The following C1QTNF7 variants were observed in gnomAD, a reference collection of about 807,000 sequenced individuals.
C1QTNF7 encodes C1q and TNF related 7.
A neutral mutation model predicts 19.6 loss-of-function variants in C1QTNF7; 15 were observed. The ratio of observed to expected loss-of-function variants is 0.76; its 90% CI spans 0.51 to 1.18. The LOEUF (loss-of-function observed/expected upper bound fraction) is 1.18, where lower values mean the gene tolerates loss of function less well. Among genes scored for constraint, C1QTNF7 ranks in the 50% most tolerant of loss-of-function variants. The pLI is 0.00. For synonymous variants in C1QTNF7, 142 were observed against 137.5 expected (o/e 1.03, Z -0.23); for missense variants, 324 against 359.7 (o/e 0.90, Z 0.80).
At chr4:15,392,005 C>A (rs1302397941) in intron 1 of C1QTNF7, among the ~76,000 whole-genome samples, 2 of 152,124 alleles carry the variant, frequency 1.3e-5, no homozygotes, top group Admixed American at 1.3e-4. Flanking sequence ...GTGCCCAGGT[C>A]CTCAGCCTGG....
intron 1 of C1QTNF7, among the ~76,000 whole-genome samples, chr4:15,396,876 G>C (rs1293035798): frequency 6.6e-6 from 1 of 152,162 alleles, no homozygotes; most frequent in Non-Finnish European, 1.5e-5. Flanking sequence ...GGGGGTGGCT[G>C]TCAGTGTGAT....
At chr4:15,399,422 C>G (rs529648966) in intron 1 of C1QTNF7, among the ~76,000 whole-genome samples, 1 of 152,278 alleles carries the variant, frequency 6.6e-6, no homozygotes, top group South Asian at 2.1e-4. Context: ...TAGTTAAGAA[C>G]ATGCACCCCA....
chr4:15,346,854 G>T (rs955876752), intron 1 of C1QTNF7, among the ~76,000 whole-genome samples: 1 of 152,068 alleles, frequency 6.6e-6, no homozygotes, highest in Non-Finnish European at 1.5e-5. Flanking sequence ...GTCCATCTCT[G>T]TTCCTACCAC....
intron 1 of C1QTNF7, among the ~76,000 whole-genome samples, chr4:15,353,856 G>A (rs13133314): frequency 6.6e-6 from 1 of 151,886 alleles, no homozygotes; most frequent in African/African-American, 2.4e-5. Context: ...TTTAAAATGT[G>A]TTTAAATTAA....
chr4:15,438,496 A>G (rs1011619427), intron 2 of C1QTNF7, among the ~76,000 whole-genome samples: 3 of 152,236 alleles, frequency 2.0e-5, no homozygotes, highest in South Asian at 2.1e-4. Flanking sequence ...ACCAAGTCCA[A>G]TCAAGCATAA....
At chr4:15,407,531 C>T (rs1719236975) in intron 1 of C1QTNF7, among the ~76,000 whole-genome samples, 1 of 152,184 alleles carries the variant, frequency 6.6e-6, no homozygotes, top group Non-Finnish European at 1.5e-5. Context: ...GTGGATATCA[C>T]ACATTTCCTT....
At chr4:15,425,929 C>A (rs1202719662), upstream of C1QTNF7, among the ~76,000 whole-genome samples, 1 of 152,130 alleles carries the variant, frequency 6.6e-6, no homozygotes, top group Non-Finnish European at 1.5e-5. Context: ...ATTCTACATT[C>A]TATAACTTTC....
At chr4:15,348,970 CCTT>C (rs572741937) in intron 1 of C1QTNF7, among the ~76,000 whole-genome samples, 2 of 152,294 alleles carry the variant, frequency 1.3e-5, no homozygotes, top group African/African-American at 4.8e-5. Flanking sequence ...TGCAGGTAAA[CCTT>C]CTTTCCATCC....
intron 1 of C1QTNF7, among the ~76,000 whole-genome samples, chr4:15,403,161 A>T (rs1029881013): frequency 6.6e-6 from 1 of 152,140 alleles, no homozygotes; most frequent in Non-Finnish European, 1.5e-5. Context: ...ATGCAAGCCC[A>T]GCAGTCGGCT....
intron 1 of C1QTNF7, among the ~76,000 whole-genome samples, chr4:15,395,421 G>A (rs190259568): frequency 6.6e-6 from 1 of 152,316 alleles, no homozygotes; most frequent in African/African-American, 2.4e-5. Context: ...GGGAGGTGCA[G>A]TCTCTCCCCA....
At chr4:15,390,152 G>A (rs1718501648) in intron 1 of C1QTNF7, among the ~76,000 whole-genome samples, 1 of 152,188 alleles carries the variant, frequency 6.6e-6, no homozygotes, top group Non-Finnish European at 1.5e-5. Flanking sequence ...TTCGGATTAT[G>A]CAGATGTAGG....
intron 1 of C1QTNF7, among the ~76,000 whole-genome samples, chr4:15,372,036 G>T (rs1313289789): frequency 2.0e-5 from 3 of 152,148 alleles, no homozygotes; most frequent in Admixed American, 6.5e-5. Context: ...TTTACATTTG[G>T]TCACTGCTGC....
intron 1 of C1QTNF7, among the ~76,000 whole-genome samples, chr4:15,352,559 T>C (rs1716976888): frequency 6.6e-6 from 1 of 152,156 alleles, no homozygotes; most frequent in Non-Finnish European, 1.5e-5. Context: ...TGAAAATGTA[T>C]CAGAGGGGGC....
At chr4:15,418,933 C>G (rs1711598542) in intron 1 of C1QTNF7, among the ~76,000 whole-genome samples, 1 of 152,152 alleles carries the variant, frequency 6.6e-6, no homozygotes, top group Non-Finnish European at 1.5e-5. Context: ...TGAGATGCCA[C>G]CCAACACAAA....
At chr4:15,431,365 G>A (rs1462324114) in intron 1 of C1QTNF7, among the ~76,000 whole-genome samples, 1 of 152,170 alleles carries the variant, frequency 6.6e-6, no homozygotes, top group South Asian at 2.1e-4. Context: ...CAAGAAACTC[G>A]CACAGGTGAT....
At chr4:15,368,639 C>A (rs1374480360) in intron 1 of C1QTNF7, among the ~76,000 whole-genome samples, 2 of 152,212 alleles carry the variant, frequency 1.3e-5, no homozygotes, top group Non-Finnish European at 2.9e-5. Context: ...TTTATGGCTG[C>A]ATAGTATTCC....
At chr4:15,388,720 G>A (rs1476467230) in intron 1 of C1QTNF7, among the ~76,000 whole-genome samples, 2 of 152,234 alleles carry the variant, frequency 1.3e-5, no homozygotes, top group Non-Finnish European at 2.9e-5. Context: ...TGTGAGACCA[G>A]GATATGTGAT....
At chr4:15,418,147 C>T (rs1297427023) in intron 1 of C1QTNF7, among the ~76,000 whole-genome samples, 1 of 152,146 alleles carries the variant, frequency 6.6e-6, no homozygotes, top group African/African-American at 2.4e-5. Flanking sequence ...CTCCACTTCT[C>T]TCGTTATCCT....
At position 15,435,767 on chromosome 4, in the gene C1QTNF7, A is replaced by G; in HGVS notation, c.24A>G (p.Thr8=). 1 of 1,614,084 alleles carries G rather than the reference A, an allele frequency of 6.2e-7. No homozygotes were observed. Among genetic ancestry groups the G allele is most frequent in the African/African-American group, 1.3e-5 (1 of 75,028 alleles). Residue 8 remains threonine (T), a synonymous_variant, in exon 2 of 3, where the codon ACA becomes ACG. Coordinates refer to ENST00000444304, the MANE Select transcript of C1QTNF7 (RefSeq NM_031911.5). MFVLLYV[T]SFAICASGQP... The stretch of plus-strand genomic sequence containing the variant: ...AGATGTTTGTCTTGCTCTATGTTAC[A>G]AGTTTTGCCATTTGTGCCAGTGGAC...
Sources: gnomAD v4.1 joint callset for allele counts (sites outside exome capture counted in the v4.1 genomes callset) on GRCh38, gnomAD v4.1.1 for gene constraint, MANE v1.5 for transcripts, NCBI Gene and HGNC (gene_info 2026-07-23, HGNC 2026-07-21) for gene names.